Variants in KCNH7 observed in about 807,000 individuals in gnomAD.
The protein encoded by KCNH7 is potassium voltage-gated channel subfamily H member 7.
KCNH7 carries 49 observed loss-of-function variants against 120.8 expected under a neutral mutation model. That is an observed-to-expected ratio of 0.41 (90% CI 0.32 to 0.51). The LOEUF is 0.51. KCNH7 is among the 20% of genes least tolerant of loss of function. The probability of loss-of-function intolerance (pLI) is 0.38; values close to 1 mark genes in which losing one functional copy is unlikely to be tolerated. For missense variants in KCNH7, 1,097 were observed against 1,446.6 expected (o/e 0.76, Z 3.92); for synonymous variants, 547 against 516.1 (o/e 1.06, Z -0.81).
In KCNH7 at chr2:162,384,777, C is replaced by G. The variant is rs6757850; in HGVS notation, c.2873G>C (p.Gly958Ala). 0.013 allele frequency: 20,998 copies of G among 1,612,714 alleles called. 1,803 individuals carry two copies. In the African/African-American group the frequency reaches 0.21, roughly 16 times the overall value. ...ATCGAGCCCAGATGCTTTCCCTATT[C>G]CTGGAGAAGAGTCTACTATTCCTGA... is the stretch of plus-strand genomic sequence containing the variant. ...LFSGIVDSSP[G>A]IGKASGLDFE... Residue 958 changes from glycine (G) to alanine (A), a missense_variant, in exon 13 of 16, where the codon GGA becomes GCA. Gly to Ala is a moderately conservative substitution (Grantham distance 60). Around this residue, in one of 8 missense-constraint regions of KCNH7, gnomAD observed 406 missense variants for 410.5 expected, o/e 0.99. Transcript: ENST00000332142.
intron 2 of KCNH7, among the ~76,000 whole-genome samples, chr2:162,693,888 G>C (rs916296737): frequency 6.9e-6 from 1 of 145,750 alleles, no homozygotes; most frequent in African/African-American, 2.5e-5. Flanking sequence ...GGAGATTACA[G>C]ATTAATAAAG....
chr2:162,771,485 T>C (rs1358829489), intron 2 of KCNH7, among the ~76,000 whole-genome samples: 1 of 152,142 alleles, frequency 6.6e-6, no homozygotes. Flanking sequence ...GTACACCTGG[T>C]TGCCCCTTTC....
intron 2 of KCNH7, among the ~76,000 whole-genome samples, chr2:162,748,200 C>A (rs1688381577): frequency 6.6e-6 from 1 of 152,110 alleles, no homozygotes; most frequent in Non-Finnish European, 1.5e-5. Flanking sequence ...CTGTGGGGTA[C>A]CCAGAACACA....
intron 2 of KCNH7, among the ~76,000 whole-genome samples, chr2:162,715,071 A>G (rs1251137444): frequency 3.9e-5 from 6 of 152,208 alleles, no homozygotes; most frequent in Non-Finnish European, 8.8e-5. Flanking sequence ...TCCTTACAGC[A>G]ATGTCATAAG....
chr2:162,400,574 C>T (rs1305089914), intron 9 of KCNH7, 133 bp from the exon 10 acceptor site: 10 of 820,660 alleles, frequency 1.2e-5, no homozygotes, highest in Admixed American at 2.4e-5. Context: ...TCTTCTACCT[C>T]GCCTACCTTA....
chr2:162,564,859 G>A (rs1693198483), intron 2 of KCNH7, among the ~76,000 whole-genome samples: 1 of 152,006 alleles, frequency 6.6e-6, no homozygotes, highest in Non-Finnish European at 1.5e-5. Context: ...CACATTTCAT[G>A]AACTTGGAAA....
intron 2 of KCNH7, among the ~76,000 whole-genome samples, chr2:162,745,712 T>C (rs990948704): frequency 6.6e-6 from 1 of 152,112 alleles, no homozygotes. Flanking sequence ...AGTGTTTTTG[T>C]TTAATCATAA....
chr2:162,483,514 G>T (rs757720876), intron 6 of KCNH7, among the ~76,000 whole-genome samples: 8 of 151,628 alleles, frequency 5.3e-5, no homozygotes, highest in Non-Finnish European at 1.0e-4. Context: ...ATTTCCTAAG[G>T]AATGGGAGTT....
chr2:162,572,625 T>C (rs1277924949), intron 2 of KCNH7, among the ~76,000 whole-genome samples: 1 of 117,126 alleles, frequency 8.5e-6, no homozygotes, highest in Non-Finnish European at 1.7e-5. Context: ...TTATTCACAA[T>C]AGCAAAGACT....
At chr2:162,752,915 A>AAAGAAAAGAG (rs1688619457) in intron 2 of KCNH7, among the ~76,000 whole-genome samples, 2 of 56,678 alleles carry the variant, frequency 3.5e-5, no homozygotes, top group African/African-American at 2.1e-4. Flanking sequence ...AAAGAAAAGA[A>AAAGAAAAGAG]AAGAAAAGAA....
intron 3 of KCNH7, among the ~76,000 whole-genome samples, chr2:162,533,214 A>T (rs922984287): frequency 2.0e-5 from 3 of 151,886 alleles, no homozygotes; most frequent in African/African-American, 7.2e-5. Context: ...AACAACAACA[A>T]AAACCAGTTT....
chr2:162,537,514 T>C (rs958060843), intron 2 of KCNH7, among the ~76,000 whole-genome samples: 4 of 152,088 alleles, frequency 2.6e-5, no homozygotes, highest in Non-Finnish European at 4.4e-5. Flanking sequence ...AAGCAACTTA[T>C]GTGCTTTTTC....
intron 2 of KCNH7, among the ~76,000 whole-genome samples, chr2:162,737,322 A>G (rs1392897330): frequency 2.6e-5 from 4 of 151,974 alleles, no homozygotes; most frequent in Non-Finnish European, 5.9e-5. Flanking sequence ...TATAGATCAG[A>G]AGAGAGAGAG....
chr2:162,496,393 G>A (rs192969051), intron 6 of KCNH7, among the ~76,000 whole-genome samples: 22 of 152,212 alleles, frequency 1.4e-4, no homozygotes, highest in African/African-American at 4.1e-4. Flanking sequence ...CTAAGGGCCC[G>A]CATGCGCACT....
At chr2:162,770,120 T>C (rs1464469279) in intron 2 of KCNH7, among the ~76,000 whole-genome samples, 3 of 152,184 alleles carry the variant, frequency 2.0e-5, no homozygotes, top group South Asian at 2.1e-4. Context: ...ATCGTAAGAC[T>C]GAGTACATGG....
rs899537487 is a variant in KCNH7, at chr2:162,807,962, G to A, written c.307+28575C>T. On this transcript the variant is annotated intron_variant, in intron 2 of 15. Transcript: ENST00000332142. ...CTCCCAAAGTGCTGGGATTACAGGC[G>A]TGAGCCACCGCTCCCAGCCATCTTT... is the stretch of plus-strand genomic sequence containing the variant. Among the ~76,000 whole-genome samples, 8 of 152,232 alleles carry A rather than the reference G, an allele frequency of 5.3e-5. No individual in the cohort carries two copies. In the East Asian group the frequency reaches 9.7e-4, roughly 18 times the overall value.
chr2:162,657,190 G>A (rs1292343994), intron 2 of KCNH7, among the ~76,000 whole-genome samples: 1 of 152,094 alleles, frequency 6.6e-6, no homozygotes, highest in South Asian at 2.1e-4. Flanking sequence ...TACTGTTAGT[G>A]TTCACTCTTG....
chr2:162,803,880 T>C (rs920326211), intron 2 of KCNH7, among the ~76,000 whole-genome samples: 2 of 151,592 alleles, frequency 1.3e-5, no homozygotes, highest in Non-Finnish European at 3.0e-5. Flanking sequence ...CTGTACACTA[T>C]TCCTGTTCAT....
intron 2 of KCNH7, among the ~76,000 whole-genome samples, chr2:162,569,191 T>C: frequency 1.3e-5 from 2 of 150,126 alleles, no homozygotes; most frequent in Admixed American, 1.3e-4. Flanking sequence ...CTATTGATTA[T>C]TGCCACAATT....
Sources: allele counts gnomAD v4.1 joint callset (sites outside exome capture counted in the v4.1 genomes callset), GRCh38; gene constraint gnomAD v4.1.1; regional missense constraint gnomAD v4.1.1; transcripts MANE v1.5; gene names NCBI Gene and HGNC (gene_info 2026-07-23, HGNC 2026-07-21).